Variants in ATP13A4 observed in about 807,000 individuals in gnomAD.
ATP13A4 encodes probable cation-transporting ATPase 13A4.
Under a neutral mutation model 142.5 loss-of-function variants are expected in ATP13A4, and 114 were observed. That is an observed-to-expected ratio of 0.80 (90% CI 0.69 to 0.93). The LOEUF (loss-of-function observed/expected upper bound fraction) is 0.93, where lower values mean the gene tolerates loss of function less well. ATP13A4 is among the 40% of genes least tolerant of loss of function. The pLI is 0.00. For synonymous variants in ATP13A4, 488 were observed against 514.8 expected (o/e 0.95, Z 0.70); for missense variants, 1,392 against 1,454.0 (o/e 0.96, Z 0.69).
chr3:193,416,691 A>AG (rs1339176538), intron 25 of ATP13A4, among the ~76,000 whole-genome samples: 1 of 152,122 alleles, frequency 6.6e-6, no homozygotes, highest in African/African-American at 2.4e-5. Flanking sequence ...AGAAAAAAAA[A>AG]TGATAAACAA....
intron 8 of ATP13A4, among the ~76,000 whole-genome samples, chr3:193,479,115 C>T (rs1719140949): frequency 6.6e-6 from 1 of 152,050 alleles, no homozygotes; most frequent in African/African-American, 2.4e-5. Context: ...AAGGGACACA[C>T]CTTAAGGTAA....
chr3:193,514,262 C>T (rs902172407), intron 2 of ATP13A4, among the ~76,000 whole-genome samples: 4 of 152,104 alleles, frequency 2.6e-5, no homozygotes, highest in Admixed American at 1.3e-4. Context: ...GACAGACCCC[C>T]GTATGTGTTG....
At chr3:193,477,732 A>T (rs1410175596) in intron 8 of ATP13A4, among the ~76,000 whole-genome samples, 23 of 152,204 alleles carry the variant, frequency 1.5e-4, no homozygotes, top group Non-Finnish European at 5.9e-5. Context: ...AGTTCAGAAC[A>T]CAAAGATGAG....
chr3:193,531,919 G>A (rs1722360553), intron 1 of ATP13A4, among the ~76,000 whole-genome samples: 1 of 152,164 alleles, frequency 6.6e-6, no homozygotes, highest in Admixed American at 6.5e-5. Context: ...TACCCACTAG[G>A]TAATGAGTTA....
At chr3:193,527,752 T>G (rs1179028983) in intron 1 of ATP13A4, among the ~76,000 whole-genome samples, 1 of 152,156 alleles carries the variant, frequency 6.6e-6, no homozygotes, top group East Asian at 1.9e-4. Flanking sequence ...TGTGAGTCAA[T>G]TAAACCTCTT....
At chr3:193,554,499 A>G in intron 1 of ATP13A4, 1 of 586,690 alleles carries the variant, frequency 1.7e-6, no homozygotes, top group East Asian at 3.0e-5. Context: ...TAAAAAGAAA[A>G]CATTCTTGAC....
At chr3:193,441,957 C>T (rs778815269) in intron 19 of ATP13A4, among the ~76,000 whole-genome samples, 2 of 152,132 alleles carry the variant, frequency 1.3e-5, no homozygotes, top group Non-Finnish European at 2.9e-5. Flanking sequence ...TCTACAAGGA[C>T]ACAACAGAGA....
At chr3:193,527,591 G>A (rs1307047855) in intron 1 of ATP13A4, among the ~76,000 whole-genome samples, 5 of 149,740 alleles carry the variant, frequency 3.3e-5, no homozygotes, top group African/African-American at 4.9e-5. Context: ...CAGCCTGGGC[G>A]ACAGAGTGAG....
chr3:193,511,708 C>A (rs551772715), intron 2 of ATP13A4, among the ~76,000 whole-genome samples: 29 of 151,878 alleles, frequency 1.9e-4, no homozygotes, highest in African/African-American at 6.8e-4. Flanking sequence ...AAATTGAGGT[C>A]CTAAAAAGTT....
intron 1 of ATP13A4, among the ~76,000 whole-genome samples, chr3:193,523,265 T>C (rs2108692810): frequency 6.6e-6 from 1 of 151,760 alleles, no homozygotes; most frequent in South Asian, 2.1e-4. Flanking sequence ...GATTGTGCCA[T>C]TGTACTCCAG....
chr3:193,499,370 T>C (rs941641560), intron 3 of ATP13A4, among the ~76,000 whole-genome samples: 1 of 152,188 alleles, frequency 6.6e-6, no homozygotes, highest in Non-Finnish European at 1.5e-5. Flanking sequence ...TGCCTCACAA[T>C]TTACTTTTCT....
chr3:193,523,549 A>G (rs775796761), intron 1 of ATP13A4, among the ~76,000 whole-genome samples: 1 of 152,280 alleles, frequency 6.6e-6, no homozygotes, highest in Admixed American at 6.5e-5. Flanking sequence ...CCCCTAAATG[A>G]TGGTATTCGC....
rs150145071 is a variant in ATP13A4 at position 193,467,336 on chromosome 3, C to T, written c.1094G>A (p.Arg365Lys). 86 of 1,614,198 alleles carry T rather than the reference C, an allele frequency of 5.3e-5. No individual in the cohort carries two copies. In the African/African-American group the frequency reaches 9.7e-4, roughly 18 times the overall value. Residue 365 changes from arginine (R) to lysine (K), a missense_variant, in exon 10 of 30, where the codon AGA becomes AAA. By Grantham distance (26) the Arg-to-Lys change is conservative. Transcript: ENST00000342695. ...QAKAACSGTVRAVVLQTGFNT... is the reference protein window; with the variant it reads ...QAKAACSGTVKAVVLQTGFNT... ...CTAACCAGTCTGCAGTACCACGGCTCTCACGGTCCCAGAGCAAGCTGCCTT... is the reference window on the plus strand; with the variant it reads ...CTAACCAGTCTGCAGTACCACGGCTTTCACGGTCCCAGAGCAAGCTGCCTT...
intron 7 of ATP13A4, among the ~76,000 whole-genome samples, chr3:193,484,354 TAAG>T (rs1010672105): frequency 8.6e-5 from 13 of 151,318 alleles, no homozygotes; most frequent in African/African-American, 3.2e-4. Context: ...AATAAATAAA[TAAG>T]GAGTATGGTG....
Position 193,404,115 on chromosome 3 carries a change from A to G in ATP13A4, c.3379-1251T>C, listed in dbSNP as rs188731592. 6.1e-6 allele frequency: 6 copies of G among 985,340 alleles called. No individual in the cohort carries two copies. In the Admixed American group the frequency reaches 1.8e-4, roughly 30 times the overall value. The allele number at this position is 985,340 out of a possible 1,614,324, so 61.0% of individuals were successfully genotyped here. A position where few individuals can be genotyped will look rare whatever the true frequency, so the allele number is the denominator to read the frequency against. ...ATGAGTTATTCTACTTTCCTGCAGC[A>G]AGGTTTTTTTGTCCTCCTTAATTGA... On this transcript the variant is annotated intron_variant, in intron 29 of 29. Transcript: ENST00000342695.
At chr3:193,465,791 C>T (rs746678798) in intron 11 of ATP13A4, among the ~76,000 whole-genome samples, 6 of 152,176 alleles carry the variant, frequency 3.9e-5, no homozygotes, top group Non-Finnish European at 5.9e-5. Flanking sequence ...GAGAAGTACA[C>T]TGATATATCA....
intron 17 of ATP13A4, among the ~76,000 whole-genome samples, chr3:193,451,652 A>C (rs1459897713): frequency 6.6e-6 from 1 of 152,224 alleles, no homozygotes; most frequent in Non-Finnish European, 1.5e-5. Context: ...TAAGTGTAAT[A>C]TATAGAAAGC....
At chr3:193,464,880 A>T in intron 12 of ATP13A4, 60 bp downstream of exon 12, 1 of 1,556,312 alleles carries the variant, frequency 6.4e-7, no homozygotes, top group Admixed American at 1.7e-5. Context: ...GTAAAAGTAG[A>T]TATACATGAT....
At chr3:193,529,485 T>A (rs985737719) in intron 1 of ATP13A4, among the ~76,000 whole-genome samples, 3 of 152,112 alleles carry the variant, frequency 2.0e-5, no homozygotes, top group African/African-American at 7.2e-5. Context: ...ACATCTCATA[T>A]AATTATCATT....
Sources: gnomAD v4.1 joint callset for allele counts (sites outside exome capture counted in the v4.1 genomes callset) on GRCh38, gnomAD v4.1.1 for gene constraint, MANE v1.5 for transcripts, NCBI Gene and HGNC (gene_info 2026-07-23, HGNC 2026-07-21) for gene names.